Variants in QTRT2 observed in about 807,000 individuals in gnomAD.
QTRT2 encodes queuine tRNA-ribosyltransferase accessory subunit 2, also known as queuine tRNA-ribosyltransferase domain containing 1.
In QTRT2, 32 loss-of-function variants were observed where a neutral mutation model predicts 44.8. That is an observed-to-expected ratio of 0.71 (90% CI 0.54 to 0.96). The LOEUF is 0.96. Ranked by LOEUF, QTRT2 falls within the 40% of genes least tolerant of loss-of-function variation. QTRT2 has a pLI of 0.00. For missense variants in QTRT2, 461 were observed against 503.1 expected (o/e 0.92, Z 0.80); for synonymous variants, 182 against 187.4 (o/e 0.97, Z 0.24).
intron 4 of QTRT2, 83 bp downstream of exon 4, chr3:114,066,366 CAT>C (rs1231045316): frequency 3.7e-5 from 29 of 791,628 alleles, no homozygotes; most frequent in Non-Finnish European, 5.9e-5. Flanking sequence ...ATCTTTCATT[CAT>C]ATGTTTGTTT....
At chr3:114,056,900 C>A (rs1420786445) in intron 1 of QTRT2, 36 bp downstream of exon 1, 2 of 1,534,056 alleles carry the variant, frequency 1.3e-6, no homozygotes, top group East Asian at 4.9e-5. Flanking sequence ...GTGGGAGCTG[C>A]TAGAGATGGA....
intron 2 of QTRT2, among the ~76,000 whole-genome samples, chr3:114,063,443 G>T (rs2076913431): frequency 6.6e-6 from 1 of 151,990 alleles, no homozygotes; most frequent in African/African-American, 2.4e-5. Context: ...GAACCTTCTT[G>T]TTTTAGCAGT....
rs2077232751 is a variant in QTRT2 at position 114,086,019 on chromosome 3, T to G, written c.*115T>G. ...TAATTATTTATATTTGGATATAAGG[T>G]CTGCTTAAATAAAGAATCTTTGTAC... On this transcript the variant is annotated 3_prime_UTR_variant, in exon 10 of 10. Coordinates refer to ENST00000281273, the MANE Select transcript of QTRT2 (RefSeq NM_024638.4). 1.2e-6 allele frequency: 1 copy of G among 833,000 alleles called. No individual in the cohort carries two copies. Among genetic ancestry groups the G allele is most frequent in the Non-Finnish European group, 1.9e-6 (1 of 525,992 alleles). 51.6% of individuals were successfully genotyped at this position (833,000 alleles called of 1,614,324 possible).
At chr3:114,077,891 T>A (rs1272445399) in intron 7 of QTRT2, 1 of 152,066 alleles carries the variant, frequency 6.6e-6, no homozygotes, top group African/African-American at 2.4e-5. Context: ...TTTTGTATTT[T>A]TAGTGGAGAC....
At position 114,085,840 on chromosome 3, in the gene QTRT2, G is replaced by A. The variant is rs867859440; in HGVS notation, c.1184G>A (p.Arg395Gln). The change falls in exon 10 of 10, where the codon CGG (arginine) becomes CAG (glutamine). Residue 395 changes from arginine to glutamine, a missense_variant. Transcript: ENST00000281273. ...TACTTTGGGTTTTTCCATTACATCC[G>A]GGAAGCACTAAAAAGTGACAAACTG... ...EHYFGFFHYI[R>Q]EALKSDKLAQ... 8 of 1,613,982 alleles carry A rather than the reference G, an allele frequency of 5.0e-6. No individual in the cohort carries two copies. The highest frequency in any genetic ancestry group is 4.0e-5 in the African/African-American group (3 of 74,882).
At chr3:114,058,099 T>G (rs1341025264) in intron 2 of QTRT2, among the ~76,000 whole-genome samples, 1 of 152,210 alleles carries the variant, frequency 6.6e-6, no homozygotes, top group African/African-American at 2.4e-5. Flanking sequence ...GGTATCTATA[T>G]TATGCATTTG....
intron 9 of QTRT2, chr3:114,083,106 C>T (rs1024908295): frequency 1.7e-5 from 5 of 296,844 alleles, no homozygotes; most frequent in Non-Finnish European, 3.3e-5. Flanking sequence ...GATAAAACAA[C>T]AAAGTTTTAA....
intron 7 of QTRT2, chr3:114,077,286 A>G: frequency 4.3e-6 from 1 of 233,222 alleles, no homozygotes; most frequent in South Asian, 7.1e-5. Context: ...GTGTAAAGTC[A>G]CATGGAATGC....
chr3:114,076,619 T>C (rs909171032), intron 6 of QTRT2, 124 bp from the exon 7 acceptor site: 63 of 831,464 alleles, frequency 7.6e-5, no homozygotes, highest in Non-Finnish European at 1.2e-4. Flanking sequence ...CCATCCCCTT[T>C]AATGCTTCAA....
At chr3:114,080,087 T>G in intron 8 of QTRT2, 30 bp downstream of exon 8, 1 of 1,536,354 alleles carries the variant, frequency 6.5e-7, no homozygotes, top group South Asian at 1.3e-5. Flanking sequence ...TCTCTTATCC[T>G]TAAGTTTCTT....
chr3:114,085,568 T>G, intron 9 of QTRT2, 105 bp from the exon 10 acceptor site: 1 of 926,844 alleles, frequency 1.1e-6, no homozygotes, highest in Non-Finnish European at 1.8e-6. Context: ...CATTTGCCAG[T>G]GATGTTATTA....
chr3:114,084,562 G>C (rs1203164983), intron 9 of QTRT2, among the ~76,000 whole-genome samples: 1 of 152,122 alleles, frequency 6.6e-6, no homozygotes, highest in Admixed American at 6.5e-5. Flanking sequence ...ACTCCAGCCT[G>C]GGTGATAGAA....
At chr3:114,062,391 A>AT (rs1491405267) in intron 2 of QTRT2, among the ~76,000 whole-genome samples, 1 of 144,856 alleles carries the variant, frequency 6.9e-6, no homozygotes, top group African/African-American at 2.5e-5. Flanking sequence ...AAAAAAAAAA[A>AT]GAATAAAAAG....
intron 3 of QTRT2, 78 bp from the exon 4 acceptor site, chr3:114,066,150 A>C (rs948499980): frequency 1.3e-5 from 13 of 996,864 alleles, no homozygotes; most frequent in Non-Finnish European, 2.0e-5. Context: ...TTGGGTGAGG[A>C]GAAGAGGGCT....
intron 8 of QTRT2, among the ~76,000 whole-genome samples, chr3:114,081,664 C>T (rs1289019016): frequency 2.0e-5 from 3 of 152,164 alleles, no homozygotes; most frequent in Non-Finnish European, 4.4e-5. Flanking sequence ...TTGTGCACTC[C>T]TGACCTCAGG....
At chr3:114,071,681 T>G (rs1427183019) in intron 6 of QTRT2, among the ~76,000 whole-genome samples, 5 of 152,204 alleles carry the variant, frequency 3.3e-5, no homozygotes, top group African/African-American at 1.2e-4. Flanking sequence ...TCCATTTGCC[T>G]AAATATGTCT....
intron 7 of QTRT2, chr3:114,079,491 TTG>T: frequency 6.2e-6 from 1 of 161,532 alleles, no homozygotes; most frequent in Non-Finnish European, 1.3e-5. Flanking sequence ...TGAGTCGAGT[TTG>T]CGCCATTGCA....
At chr3:114,081,524 C>G (rs2077165068) in intron 8 of QTRT2, among the ~76,000 whole-genome samples, 1 of 152,170 alleles carries the variant, frequency 6.6e-6, no homozygotes, top group South Asian at 2.1e-4. Context: ...ATTTGTTTAA[C>G]TTTAATGGGC....
Position 114,065,385 on chromosome 3 carries a change from C to A in QTRT2, c.128C>A (p.Pro43Gln). The A allele has an allele frequency of 6.2e-7, 1 of 1,614,188 alleles. No individual in the cohort carries two copies. Among genetic ancestry groups the A allele is most frequent in the East Asian group, 2.2e-5 (1 of 44,882 alleles). ...CTGTATACCAAGACTGGCTCCGCCC[C>A]ACACCTCACCCATCACACGCTGCAT... ...CLLYTKTGSA[P>Q]HLTHHTLHNI... The change falls in exon 3 of 10, where the codon CCA (proline) becomes CAA (glutamine). Residue 43 changes from proline to glutamine, a missense_variant. Pro to Gln is a moderately conservative substitution (Grantham distance 76). Coordinates refer to ENST00000281273, the MANE Select transcript of QTRT2 (RefSeq NM_024638.4).
Sources: gnomAD v4.1 joint callset for allele counts (sites outside exome capture counted in the v4.1 genomes callset) on GRCh38, gnomAD v4.1.1 for gene constraint, MANE v1.5 for transcripts, NCBI Gene and HGNC (gene_info 2026-07-23, HGNC 2026-07-21) for gene names.